ZFHX4: variants seen among roughly 807,000 people sequenced by gnomAD.
ZFHX4 encodes the protein zinc finger homeobox 4, also known as zinc finger homeobox protein 4.
ZFHX4 carries 56 observed loss-of-function variants against 267.6 expected under a neutral mutation model. The observed-to-expected ratio is 0.21, with a 90% CI of 0.17 to 0.26. The LOEUF is 0.26. Among genes scored for constraint, ZFHX4 ranks in the 10% least tolerant of loss-of-function variants. The probability of loss-of-function intolerance (pLI) is 1.00; values close to 1 mark genes in which losing one functional copy is unlikely to be tolerated. For synonymous variants in ZFHX4, 1,778 were observed against 1,665.6 expected, an observed-to-expected ratio of 1.07 and a Z score of -1.64; for missense variants, 4,332 against 4,420.0, an observed-to-expected ratio of 0.98 and a Z score of 0.56.
rs1181979196 is a variant in ZFHX4 at position 76,852,359 on chromosome 8, A to G, written c.5438A>G (p.Gln1813Arg). 6.4e-7 allele frequency: 1 copy of G among 1,553,432 alleles called. No homozygotes were observed. Among genetic ancestry groups the G allele is most frequent in the South Asian group, 1.2e-5 (1 of 84,326 alleles). Residue 1813 changes from glutamine (Q) to arginine (R), a missense_variant, in exon 10 of 11, where the codon CAA (glutamine) becomes CGA (arginine). By Grantham distance (43) the Gln-to-Arg change is conservative. Transcript: ENST00000651372. Reference protein sequence around the residue: ...YQATQPQLQPQKQQQQPPPPQ... With the variant: ...YQATQPQLQPRKQQQQPPPPQ... ...GCCACACAGCCCCAGCTGCAGCCTC[A>G]AAAACAACAGCAGCAGCCACCACCT...
chr8:76,849,097 C>G lies in ZFHX4; in HGVS notation c.3614C>G (p.Pro1205Arg). The change falls in exon 7 of 11, where the codon CCT becomes CGT. Residue 1205 changes from proline to arginine, a missense_variant. By Grantham distance (103) the Pro-to-Arg change is moderately radical (BLOSUM62 -2). Around this residue, in one of 7 missense-constraint regions of ZFHX4, gnomAD observed 1,371 missense variants for 1,423.1 expected, o/e 0.96. Transcript: ENST00000651372. ...GATGTTGCAACAAAAAGGTCAAAAC[C>G]TACAGAGGACAATAAATTCTGTCAT... ...EEDVATKRSK[P>R]TEDNKFCHEQ... The G allele has an allele frequency of 6.4e-7, 1 of 1,564,386 alleles. No individual in the cohort carries two copies. The highest frequency in any genetic ancestry group is 8.7e-7 in the Non-Finnish European group (1 of 1,154,086).
At chr8:76,714,470 A>G (rs935616766) in intron 3 of ZFHX4, among the ~76,000 whole-genome samples, 3 of 152,136 alleles carry the variant, frequency 2.0e-5, no homozygotes, top group African/African-American at 7.2e-5. Context: ...CCAAATTATC[A>G]GCCTATTCCA....
intron 3 of ZFHX4, among the ~76,000 whole-genome samples, chr8:76,747,945 C>A (rs964274815): frequency 2.0e-5 from 3 of 151,862 alleles, no homozygotes; most frequent in African/African-American, 7.3e-5. Context: ...AACAAACAAA[C>A]AAACAAACAA....
intron 4 of ZFHX4, among the ~76,000 whole-genome samples, chr8:76,824,305 A>T (rs1811729824): frequency 6.6e-6 from 1 of 152,208 alleles, no homozygotes; most frequent in Non-Finnish European, 1.5e-5. Context: ...CAACACAGGG[A>T]ATAATCTAGA....
chr8:76,686,213 C>T (rs940762499), intron 1 of ZFHX4, among the ~76,000 whole-genome samples: 2 of 152,140 alleles, frequency 1.3e-5, no homozygotes, highest in East Asian at 1.9e-4. Context: ...ACACCAGACT[C>T]GCTTAATTTA....
intron 4 of ZFHX4, among the ~76,000 whole-genome samples, chr8:76,785,308 T>C (rs1810657189): frequency 6.6e-6 from 1 of 152,056 alleles, no homozygotes; most frequent in South Asian, 2.1e-4. Context: ...TTTGAACATA[T>C]TTTGAAAGAT....
chr8:76,863,567 G>C lies in ZFHX4; in HGVS notation c.9853G>C (p.Gly3285Arg). 1 of 1,613,754 alleles carries C rather than the reference G, an allele frequency of 6.2e-7. No individual in the cohort carries two copies. The highest frequency in any genetic ancestry group is 8.5e-7 in the Non-Finnish European group (1 of 1,179,814). The change falls in exon 11 of 11, where the codon GGA becomes CGA. Residue 3285 changes from glycine (G) to arginine (R), a missense_variant. Coordinates refer to ENST00000651372, the MANE Select transcript of ZFHX4 (RefSeq NM_024721.5). ...TPQLPGTVQG[G>R]YFPPVCGMES... ...TCAGCTCCCTGGAACAGTGCAGGGG[G>C]GATACTTCCCACCTGTCTGTGGCAT...
chr8:76,703,808 C>T (rs1808166627), intron 1 of ZFHX4, among the ~76,000 whole-genome samples: 1 of 152,176 alleles, frequency 6.6e-6, no homozygotes. Flanking sequence ...TATGAATGCT[C>T]ATAGCGACTA....
At chr8:76,718,066 T>G (rs72659504) in intron 3 of ZFHX4, among the ~76,000 whole-genome samples, 1,898 of 152,350 alleles carry the variant, frequency 0.012, 19 homozygotes, top group Admixed American at 0.02. Context: ...TGCCGACACC[T>G]CTGAAAGAGA....
At chr8:76,690,813 G>A (rs1807803767) in intron 1 of ZFHX4, among the ~76,000 whole-genome samples, 1 of 151,828 alleles carries the variant, frequency 6.6e-6, no homozygotes, top group African/African-American at 2.4e-5. Flanking sequence ...GTGGTAGCTT[G>A]TGAAGTTTTC....
intron 4 of ZFHX4, among the ~76,000 whole-genome samples, chr8:76,817,954 G>A (rs1267643787): frequency 6.6e-6 from 1 of 152,210 alleles, no homozygotes; most frequent in Non-Finnish European, 1.5e-5. Context: ...AATCCACTGA[G>A]CAACAGCTCT....
chr8:76,748,112 T>C (rs1585905799), intron 3 of ZFHX4, among the ~76,000 whole-genome samples: 2 of 152,344 alleles, frequency 1.3e-5, no homozygotes, highest in South Asian at 4.1e-4. Context: ...AGTCATTTTA[T>C]ATGTTTGCAA....
Position 76,706,173 on chromosome 8 carries a change from C to T in ZFHX4, c.2085C>T (p.Gly695=), listed in dbSNP as rs751836465. Residue 695 remains glycine (G), a synonymous_variant, in exon 2 of 11, where the codon GGC becomes GGT. Transcript: ENST00000651372. ...CCCGGGGTGAGAGTTACACGTGTGG[C>T]TATAAACCCTTCCGTTGTGAGGTTT... is the stretch of plus-strand genomic sequence containing the variant. ...RLARGESYTC[G]YKPFRCEVCN... 6.2e-7 allele frequency: 1 copy of T among 1,614,036 alleles called. No homozygotes were observed. The highest frequency in any genetic ancestry group is 1.7e-5 in the Admixed American group (1 of 60,002).
At chr8:76,824,329 C>A (rs934463874) in intron 4 of ZFHX4, among the ~76,000 whole-genome samples, 6 of 152,174 alleles carry the variant, frequency 3.9e-5, no homozygotes, top group African/African-American at 1.4e-4. Context: ...TTACTCAAAT[C>A]CAATATTTGT....
intron 3 of ZFHX4, among the ~76,000 whole-genome samples, chr8:76,732,640 A>C (rs146459936): frequency 2.3e-4 from 35 of 152,312 alleles, no homozygotes; most frequent in African/African-American, 7.9e-4. Flanking sequence ...CCATTGATCC[A>C]AATGCAAAAT....
At chr8:76,684,784 T>C (rs1360795477) in intron 1 of ZFHX4, among the ~76,000 whole-genome samples, 1 of 152,240 alleles carries the variant, frequency 6.6e-6, no homozygotes, top group African/African-American at 2.4e-5. Context: ...AGCCCAAATC[T>C]GTTCATTAAT....
intron 4 of ZFHX4, among the ~76,000 whole-genome samples, chr8:76,831,133 C>T (rs557812875): frequency 8.5e-5 from 13 of 152,272 alleles, no homozygotes; most frequent in East Asian, 3.9e-4. Flanking sequence ...GAGGATTACA[C>T]GATGGTTTCT....
At chr8:76,739,081 G>C (rs1333436483) in intron 3 of ZFHX4, among the ~76,000 whole-genome samples, 1 of 152,024 alleles carries the variant, frequency 6.6e-6, no homozygotes, top group East Asian at 1.9e-4. Flanking sequence ...CCATGATTTA[G>C]GAAGCTTTTC....
rs746528031 is a variant in ZFHX4 at position 76,854,781 on chromosome 8, C to A, written c.7860C>A (p.Leu2620=). The change falls in exon 10 of 11, where the codon CTC becomes CTA. Residue 2620 remains leucine (L), a synonymous_variant. Coordinates refer to ENST00000651372, the MANE Select transcript of ZFHX4 (RefSeq NM_024721.5). ...TTITPEQLEI[L]YEKYLLDSNP... Reference sequence around the variant, plus strand: ...TCACCCCGGAACAGCTGGAAATACTCTATGAAAAATACTTGCTGGATTCCA... The same window carrying A: ...TCACCCCGGAACAGCTGGAAATACTATATGAAAAATACTTGCTGGATTCCA... 6.2e-7 allele frequency: 1 copy of A among 1,610,800 alleles called. No individual in the cohort carries two copies. Among genetic ancestry groups the A allele is most frequent in the Admixed American group, 1.7e-5 (1 of 59,468 alleles).
Sources: gnomAD v4.1 joint callset for allele counts (sites outside exome capture counted in the v4.1 genomes callset) on GRCh38, gnomAD v4.1.1 for gene constraint, gnomAD v4.1.1 regional missense constraint, MANE v1.5 for transcripts, NCBI Gene and HGNC (gene_info 2026-07-23, HGNC 2026-07-21) for gene names.